The following NDUFA3 variants were observed in gnomAD, a reference collection of about 807,000 sequenced individuals.
NDUFA3 encodes NADH:ubiquinone oxidoreductase subunit A3.
Under a neutral mutation model 11.4 loss-of-function variants are expected in NDUFA3, and 10 were observed. The observed-to-expected ratio is 0.87, with a 90% CI of 0.54 to 1.48. The LOEUF (loss-of-function observed/expected upper bound fraction) is 1.48. NDUFA3 is among the 40% of genes most tolerant of loss of function. The pLI, the probability that NDUFA3 is intolerant of heterozygous loss-of-function variation, is 0.00. For missense variants in NDUFA3, 115 were observed against 110.5 expected (o/e 1.04, Z -0.18); for synonymous variants, 39 against 46.9 (o/e 0.83, Z 0.68).
chr19:54,107,050 T>C lies in NDUFA3; in HGVS notation c.*148T>C. ...GTGGGGTCAGTTTATTGGGCATGCGTCAGTCAGAGGCTGGGCTGGCCAGGG... is the reference window on the plus strand; with the variant it reads ...GTGGGGTCAGTTTATTGGGCATGCGCCAGTCAGAGGCTGGGCTGGCCAGGG... On this transcript the variant is annotated 3_prime_UTR_variant, in exon 4 of 4. Coordinates refer to ENST00000485876, the MANE Select transcript of NDUFA3 (RefSeq NM_004542.4). 6.2e-7 allele frequency: 1 copy of C among 1,613,398 alleles called. No homozygotes were observed. Among genetic ancestry groups the C allele is most frequent in the Non-Finnish European group, 8.5e-7 (1 of 1,179,822 alleles).
intron 1 of NDUFA3, 31 bp downstream of exon 1, chr19:54,102,919 T>A: frequency 6.2e-7 from 1 of 1,606,742 alleles, no homozygotes. Flanking sequence ...CGCACGGGGC[T>A]CGGGTAGTTC....
In NDUFA3 at chr19:54,107,315, C is replaced by A; in HGVS notation, c.*413C>A. 1 of 1,076,812 alleles carries A rather than the reference C, an allele frequency of 9.3e-7. No individual in the cohort carries two copies. The highest frequency in any genetic ancestry group is 1.3e-6 in the Non-Finnish European group (1 of 750,888). 66.7% of individuals were successfully genotyped at this position (1,076,812 alleles called of 1,614,324 possible). A position where few individuals can be genotyped will look rare whatever the true frequency, so the allele number is the denominator to read the frequency against. On this transcript the variant is annotated 3_prime_UTR_variant, in exon 4 of 4. Transcript: ENST00000485876. ...CCAGGCTGGAGTGCAGTGGTGCCAT[C>A]ATAGTTCACTGCAGCCTCTGCCTCC...
Position 54,106,815 on chromosome 19 carries a change from C to G in NDUFA3, c.168C>G (p.Pro56=). 6.2e-7 allele frequency: 1 copy of G among 1,611,912 alleles called. No individual in the cohort carries two copies. Among genetic ancestry groups the G allele is most frequent in the Non-Finnish European group, 8.5e-7 (1 of 1,179,264 alleles). ...NKATPYNYPV[P]VRDDGNMPDV... is the part of the protein sequence containing the mutation. ...GGCCCACCTCCTGCCCCACAGTGCC[C>G]GTCCGTGATGATGGGAACATGCCCG... Residue 56 remains proline (P), a synonymous_variant, in exon 4 of 4, where the codon CCC becomes CCG. Transcript: ENST00000485876.
intron 2 of NDUFA3, among the ~76,000 whole-genome samples, 195 bp downstream of exon 2, chr19:54,103,383 C>T (rs914016541): frequency 1.3e-5 from 2 of 152,164 alleles, no homozygotes; most frequent in African/African-American, 4.8e-5. Context: ...TCTCCACCTA[C>T]CCAATACGCT....
intron 2 of NDUFA3, chr19:54,105,636 A>G (rs1303108445): frequency 1.6e-6 from 1 of 637,056 alleles, no homozygotes. Context: ...CTCCATGATG[A>G]CCCTACACTC....
chr19:54,106,001 C>T lies in NDUFA3; in HGVS notation c.153C>T (p.Tyr51=), dbSNP rs1365834661. The T allele has an allele frequency of 1.2e-6, 2 of 1,613,338 alleles. No individual in the cohort carries two copies. The highest frequency in any genetic ancestry group is 1.3e-5 in the African/African-American group (1 of 75,046). The change falls in exon 3 of 4, where the codon TAC becomes TAT. Residue 51 remains tyrosine (Y), a synonymous_variant. Transcript: ENST00000485876. ...TCATGATCAACAAGGCCACGCCCTA[C>T]AACTACCCAGGTGAGTGGGGGCCAG... ...YSVMINKATP[Y]NYPVPVRDDG...
Position 54,105,264 on chromosome 19 carries a change from C to CCTTTTTTTTTTTTTTTTTTTTTTTTTTTT in NDUFA3, c.86-670_86-669insCTTTTTTTTTTTTTTTTTTTTTTTTTTTT, listed in dbSNP as rs1316415018. On this transcript the variant is annotated intron_variant, in intron 2 of 3. Coordinates refer to ENST00000485876, the MANE Select transcript of NDUFA3 (RefSeq NM_004542.4). ...ACCCTTTCTCCTCCAGTTTGTAAGG[C>CCTTTTTTTTTTTTTTTTTTTTTTTTTTTT]TTTTTTTTTTTTTTTTTTTTTGGTG... Among the ~76,000 whole-genome samples the CCTTTTTTTTTTTTTTTTTTTTTTTTTTTT allele has an allele frequency of 1.7e-4, 12 of 71,262 alleles. 5 individuals carry two copies. The highest frequency in any genetic ancestry group is 1.8e-4 in the African/African-American group (3 of 16,568). 46.8% of individuals were successfully genotyped at this position (71,262 alleles called of 152,430 possible).
chr19:54,106,019 G>C lies in NDUFA3; in HGVS notation c.163+8G>C. 6.2e-7 allele frequency: 1 copy of C among 1,610,766 alleles called. No individual in the cohort carries two copies. The highest frequency in any genetic ancestry group is 2.2e-5 in the East Asian group (1 of 44,862). ...CGCCCTACAACTACCCAGGTGAGTG[G>C]GGGCCAGGCAGGGATCCCCGGAATA... On this transcript the variant is annotated splice_region_variant and intron_variant, in intron 3 of 3. Coordinates refer to ENST00000485876, the MANE Select transcript of NDUFA3 (RefSeq NM_004542.4).
At chr19:54,105,833 TC>T in intron 2 of NDUFA3, 100 bp from the exon 3 acceptor site, 1 of 970,994 alleles carries the variant, frequency 1.0e-6, no homozygotes, top group Non-Finnish European at 1.7e-6. Context: ...CCTGCTGCCC[TC>T]CCCCTGCGCA....
intron 2 of NDUFA3, among the ~76,000 whole-genome samples, chr19:54,104,926 C>T (rs2073209577): frequency 6.6e-6 from 1 of 151,888 alleles, no homozygotes; most frequent in African/African-American, 2.4e-5. Context: ...TCAGTAGAGA[C>T]GGGGTTTCAT....
chr19:54,103,192 C>A lies in NDUFA3; in HGVS notation c.85+4C>A, dbSNP rs1314237151. On this transcript the variant is annotated splice_donor_region_variant and intron_variant, in intron 2 of 3. Coordinates refer to ENST00000485876, the MANE Select transcript of NDUFA3 (RefSeq NM_004542.4). ...TCCTTCGTCGTCGGGGGCCTCGGTG[C>A]GTGAGTGCTCCAGGCGCAAACTTGC... is the stretch of plus-strand genomic sequence containing the variant. 1 of 1,589,282 alleles carries A rather than the reference C, an allele frequency of 6.3e-7. No individual in the cohort carries two copies. The highest frequency in any genetic ancestry group is 1.3e-5 in the African/African-American group (1 of 74,464).
At position 54,107,357 on chromosome 19, in the gene NDUFA3, T is replaced by C; in HGVS notation, c.*455T>C. ...TCTGCCTCCCAGGCTCAAGTGATCC[T>C]CCCACCTCAGCTTCCCAAGTAGCTG... On this transcript the variant is annotated 3_prime_UTR_variant, in exon 4 of 4. Coordinates refer to ENST00000485876, the MANE Select transcript of NDUFA3 (RefSeq NM_004542.4). 2 of 716,132 alleles carry C rather than the reference T, an allele frequency of 2.8e-6. No individual in the cohort carries two copies. The highest frequency in any genetic ancestry group is 4.5e-6 in the Non-Finnish European group (2 of 445,762). 44.4% of individuals were successfully genotyped at this position (716,132 alleles called of 1,614,324 possible). A position where few individuals can be genotyped will look rare whatever the true frequency, so the allele number is the denominator to read the frequency against.
chr19:54,102,892 A>G lies in NDUFA3; in HGVS notation c.10+4A>G. The G allele has an allele frequency of 1.2e-6, 2 of 1,610,448 alleles. No individual in the cohort carries two copies. Among genetic ancestry groups the G allele is most frequent in the Non-Finnish European group, 1.7e-6 (2 of 1,177,948 alleles). On this transcript the variant is annotated splice_donor_region_variant and intron_variant, in intron 1 of 3. Transcript: ENST00000485876. ...GCGGAGACAAAGATGGCTGCGAGTA[A>G]GTGCAGGTGCCGGTGGCGCACGGGG...
chr19:54,107,303 C>T lies in NDUFA3; in HGVS notation c.*401C>T, dbSNP rs2073298196. The stretch of plus-strand genomic sequence containing the variant: ...TCACTCTGTTGCCCAGGCTGGAGTG[C>T]AGTGGTGCCATCATAGTTCACTGCA... On this transcript the variant is annotated 3_prime_UTR_variant, in exon 4 of 4. Transcript: ENST00000485876. The T allele has an allele frequency of 3.3e-6, 4 of 1,204,208 alleles. No individual in the cohort carries two copies. Among genetic ancestry groups the T allele is most frequent in the South Asian group, 2.9e-5 (2 of 69,590 alleles). 74.6% of individuals were successfully genotyped at this position (1,204,208 alleles called of 1,614,324 possible).
chr19:54,107,290 C>G lies in NDUFA3; in HGVS notation c.*388C>G. On this transcript the variant is annotated 3_prime_UTR_variant, in exon 4 of 4. Coordinates refer to ENST00000485876, the MANE Select transcript of NDUFA3 (RefSeq NM_004542.4). ...AAGAGACAGGGTCTCACTCTGTTGC[C>G]CAGGCTGGAGTGCAGTGGTGCCATC... 7.2e-7 allele frequency: 1 copy of G among 1,395,784 alleles called. No homozygotes were observed. Among genetic ancestry groups the G allele is most frequent in the Non-Finnish European group, 9.7e-7 (1 of 1,026,116 alleles). 86.5% of individuals were successfully genotyped at this position (1,395,784 alleles called of 1,614,324 possible).
intron 2 of NDUFA3, chr19:54,105,731 C>A (rs1243382410): frequency 3.0e-6 from 2 of 667,236 alleles, no homozygotes; most frequent in Non-Finnish European, 5.5e-6. Flanking sequence ...ACCCCTACCT[C>A]CACTTAACCC....
Position 54,107,098 on chromosome 19 carries a change from T to C in NDUFA3, c.*196T>C. 2.5e-6 allele frequency: 4 copies of C among 1,613,958 alleles called. No individual in the cohort carries two copies. The highest frequency in any genetic ancestry group is 3.4e-6 in the Non-Finnish European group (4 of 1,179,996). On this transcript the variant is annotated 3_prime_UTR_variant, in exon 4 of 4. Transcript: ENST00000485876. ...GGGTCGGGTAGGGCAGCAGTTTGTCTGGACCCCGAGAAACCCAACTGGAAT... is the reference window on the plus strand; with the variant it reads ...GGGTCGGGTAGGGCAGCAGTTTGTCCGGACCCCGAGAAACCCAACTGGAAT...
intron 2 of NDUFA3, 69 bp from the exon 3 acceptor site, chr19:54,105,865 G>A: frequency 7.3e-7 from 1 of 1,376,736 alleles, no homozygotes; most frequent in Non-Finnish European, 1.0e-6. Flanking sequence ...CCTTTGCCAA[G>A]GCTCACCTTC....
Position 54,106,914 on chromosome 19 carries a change from G to T in NDUFA3, c.*12G>T. ...TGAAGAAACTGTGAGCACCTCCACT[G>T]ACAGAGGCGGCCCCTCCCACGGCTC... On this transcript the variant is annotated 3_prime_UTR_variant, in exon 4 of 4. Coordinates refer to ENST00000485876, the MANE Select transcript of NDUFA3 (RefSeq NM_004542.4). 1 of 1,608,900 alleles carries T rather than the reference G, an allele frequency of 6.2e-7. No homozygotes were observed.
Sources: allele counts gnomAD v4.1 joint callset (sites outside exome capture counted in the v4.1 genomes callset), GRCh38; gene constraint gnomAD v4.1.1; transcripts MANE v1.5; gene names NCBI Gene and HGNC (gene_info 2026-07-23, HGNC 2026-07-21).